Variants in DOCK4 observed in about 807,000 individuals in gnomAD.
DOCK4 encodes dedicator of cytokinesis 4, also known as dedicator of cytokinesis protein 4.
In DOCK4, 97 loss-of-function variants were observed where a neutral mutation model predicts 268.1. That is an observed-to-expected ratio of 0.36 (90% CI 0.31 to 0.43). The LOEUF (loss-of-function observed/expected upper bound fraction) is 0.43. DOCK4 is among the 20% of genes least tolerant of loss of function. DOCK4 has a pLI of 1.00. For synonymous variants in DOCK4, 954 were observed against 887.2 expected (o/e 1.08, Z -1.34); for missense variants, 2,145 against 2,455.7 (o/e 0.87, Z 2.67).
chr7:111,901,529 A>G, intron 14 of DOCK4, 148 bp downstream of exon 14: 1 of 752,016 alleles, frequency 1.3e-6, no homozygotes, highest in South Asian at 2.8e-5. Context: ...AGAAAACTAC[A>G]CAGGGGTGAA....
chr7:111,839,780 T>C (rs1803528302), intron 25 of DOCK4, among the ~76,000 whole-genome samples: 1 of 152,208 alleles, frequency 6.6e-6, no homozygotes, highest in South Asian at 2.1e-4. Flanking sequence ...TTATCCATAA[T>C]GTAATTTTTT....
chr7:111,767,831 C>T (rs1201257110), intron 37 of DOCK4, among the ~76,000 whole-genome samples: 1 of 152,020 alleles, frequency 6.6e-6, no homozygotes, highest in Non-Finnish European at 1.5e-5. Context: ...CTTAGTTGTG[C>T]TTGCAAATTG....
At chr7:112,091,971 G>A (rs545591688) in intron 1 of DOCK4, among the ~76,000 whole-genome samples, 5 of 152,240 alleles carry the variant, frequency 3.3e-5, no homozygotes, top group Middle Eastern at 6.8e-3. Context: ...CCCTGTACCA[G>A]GTGTGATGCT....
intron 1 of DOCK4, among the ~76,000 whole-genome samples, chr7:112,130,569 A>G (rs1465333086): frequency 6.6e-6 from 1 of 152,234 alleles, no homozygotes; most frequent in Non-Finnish European, 1.5e-5. Context: ...TAAGCTAGTG[A>G]TGATGGATAT....
At chr7:111,940,825 A>G (rs897415778) in intron 10 of DOCK4, among the ~76,000 whole-genome samples, 2 of 152,184 alleles carry the variant, frequency 1.3e-5, no homozygotes, top group Non-Finnish European at 2.9e-5. Flanking sequence ...TTATTAATAC[A>G]TTGTTTTAAT....
intron 16 of DOCK4, among the ~76,000 whole-genome samples, chr7:111,888,118 A>C (rs1808001663): frequency 6.6e-6 from 1 of 151,716 alleles, no homozygotes; most frequent in Admixed American, 6.6e-5. Context: ...TCTTGTGAGG[A>C]CTAGTTTGCC....
intron 17 of DOCK4, 65 bp downstream of exon 17, chr7:111,876,965 T>A (rs1237665940): frequency 2.4e-6 from 3 of 1,273,458 alleles, no homozygotes; most frequent in East Asian, 2.9e-5. Flanking sequence ...GTTTACTGAA[T>A]ATGCTTACCA....
chr7:112,181,534 G>A (rs1336334432), intron 1 of DOCK4, among the ~76,000 whole-genome samples: 1 of 151,212 alleles, frequency 6.6e-6, no homozygotes, highest in Non-Finnish European at 1.5e-5. Flanking sequence ...GTTTGTGCCT[G>A]TAGGCTGAGG....
At chr7:112,089,120 C>CT (rs1039914349) in intron 1 of DOCK4, among the ~76,000 whole-genome samples, 3 of 151,886 alleles carry the variant, frequency 2.0e-5, no homozygotes, top group South Asian at 2.1e-4. Flanking sequence ...CTATTTTTCC[C>CT]TTTTTTTACT....
chr7:111,939,348 T>C (rs973654650), intron 11 of DOCK4, among the ~76,000 whole-genome samples: 4 of 151,784 alleles, frequency 2.6e-5, no homozygotes, highest in African/African-American at 9.7e-5. Flanking sequence ...ACCCCGTCTC[T>C]ACTAAAAATA....
intron 23 of DOCK4, among the ~76,000 whole-genome samples, chr7:111,852,327 G>A (rs1480578553): frequency 1.3e-5 from 2 of 152,024 alleles, no homozygotes; most frequent in African/African-American, 4.8e-5. Context: ...CTGGCCTCAG[G>A]TTTAGCATCA....
chr7:111,850,819 C>T (rs1804485243), intron 23 of DOCK4, among the ~76,000 whole-genome samples: 2 of 152,152 alleles, frequency 1.3e-5, no homozygotes, highest in African/African-American at 4.8e-5. Flanking sequence ...CACCCATCTC[C>T]CTTTGCTGAC....
rs748143922 is a variant in DOCK4 at position 111,784,056 on chromosome 7, C to T, written c.3428+41G>A. 2.5e-6 allele frequency: 4 copies of T among 1,577,972 alleles called. No homozygotes were observed. In the Admixed American group the frequency reaches 5.4e-5, roughly 21 times the overall value. ...ACCTTAAATGCCTTAGCAACCACTG[C>T]AACATCTCACAAGTAGCACAATTTG... is the stretch of plus-strand genomic sequence containing the variant. On this transcript the variant is annotated intron_variant, in intron 33 of 52. Coordinates refer to ENST00000428084, the MANE Select transcript of DOCK4 (RefSeq NM_001363540.2).
chr7:112,048,246 A>C (rs1300323708), intron 1 of DOCK4, among the ~76,000 whole-genome samples: 2 of 152,046 alleles, frequency 1.3e-5, no homozygotes, highest in Non-Finnish European at 2.9e-5. Context: ...TAAGGAAAAA[A>C]TTCTTAAAAA....
intron 1 of DOCK4, among the ~76,000 whole-genome samples, chr7:112,027,207 CT>C (rs1475001004): frequency 6.6e-6 from 1 of 151,934 alleles, no homozygotes; most frequent in Non-Finnish European, 1.5e-5. Flanking sequence ...TTCTTTACTC[CT>C]TTTTTTGTTT....
chr7:111,913,972 A>C (rs1305709508), intron 13 of DOCK4, among the ~76,000 whole-genome samples: 1 of 152,186 alleles, frequency 6.6e-6, no homozygotes, highest in African/African-American at 2.4e-5. Flanking sequence ...TCACTATTAA[A>C]GCAGGTACTT....
chr7:111,739,439 C>A lies in DOCK4; in HGVS notation c.5079G>T (p.Ser1693=), dbSNP rs376476623. Residue 1693 remains serine, a synonymous_variant, in exon 48 of 53, where the codon TCG becomes TCT. Transcript: ENST00000428084. Reference sequence around the variant, plus strand: ...CAGAACTTGTCACATTAGGTGAAGCCGAGTGAGTAGAACTCAAGCTTGAGG... The same window carrying A: ...CAGAACTTGTCACATTAGGTGAAGCAGAGTGAGTAGAACTCAAGCTTGAGG... ...PSTSSLSSTH[S]ASPNVTSSAP... 22 of 1,577,036 alleles carry A rather than the reference C, an allele frequency of 1.4e-5. No individual in the cohort carries two copies. The highest frequency in any genetic ancestry group is 2.7e-5 in the African/African-American group (2 of 73,978).
At chr7:112,165,523 CGTGTGTGTGT>C (rs112020512) in intron 1 of DOCK4, among the ~76,000 whole-genome samples, 2,025 of 126,572 alleles carry the variant, frequency 0.016, 47 homozygotes, top group African/African-American at 0.047. Flanking sequence ...GAATAGTATA[CGTGTGTGTGT>C]GTGTGTGTGT....
intron 25 of DOCK4, among the ~76,000 whole-genome samples, chr7:111,840,382 G>T (rs1003053788): frequency 6.6e-6 from 1 of 152,152 alleles, no homozygotes; most frequent in African/African-American, 2.4e-5. Flanking sequence ...ACAGAGTTAC[G>T]AACGAGTAAG....
Sources: allele counts gnomAD v4.1 joint callset (sites outside exome capture counted in the v4.1 genomes callset), GRCh38; gene constraint gnomAD v4.1.1; transcripts MANE v1.5; gene names NCBI Gene and HGNC (gene_info 2026-07-23, HGNC 2026-07-21).